Variants in PDE7B observed in about 807,000 individuals in gnomAD.
The protein encoded by PDE7B is phosphodiesterase 7B.
In PDE7B, 29 loss-of-function variants were observed where a neutral mutation model predicts 56.2. The ratio of observed to expected loss-of-function variants is 0.52; its 90% CI spans 0.38 to 0.70. The LOEUF is 0.70. Among genes scored for constraint, PDE7B ranks in the 30% least tolerant of loss-of-function variants. The pLI is 0.00. For missense variants in PDE7B, 490 were observed against 565.0 expected, an observed-to-expected ratio of 0.87 and a Z score of 1.35; for synonymous variants, 197 against 196.9, an observed-to-expected ratio of 1.00 and a Z score of 0.00.
Position 136,108,760 on chromosome 6 carries a change from G to C in PDE7B, c.112G>C (p.Val38Leu). The C allele has an allele frequency of 6.2e-7, 1 of 1,611,850 alleles. No individual in the cohort carries two copies. The highest frequency in any genetic ancestry group is 8.5e-7 in the Non-Finnish European group (1 of 1,178,022). Residue 38 changes from valine (V) to leucine (L), a missense_variant, in exon 3 of 13, where the codon GTT becomes CTT. Transcript: ENST00000308191. ...TATACGACTAAGGGGTCAGACGGGG[G>C]TTCGTGCTGAACGCCGTGGCTCCTA... is the stretch of plus-strand genomic sequence containing the variant. Reference protein sequence around the residue: ...GDIRLRGQTGVRAERRGSYPF... With the variant: ...GDIRLRGQTGLRAERRGSYPF...
intron 3 of PDE7B, among the ~76,000 whole-genome samples, chr6:136,141,290 C>A (rs1035742000): frequency 6.6e-6 from 1 of 152,158 alleles, no homozygotes; most frequent in African/African-American, 2.4e-5. Flanking sequence ...GTATGTTGAA[C>A]CAGCCTTGCA....
chr6:136,038,630 G>T, intron 2 of PDE7B: 6 of 898,422 alleles, frequency 6.7e-6, no homozygotes, highest in Non-Finnish European at 7.4e-6. Flanking sequence ...GAACTGTGTA[G>T]CATCAGGTCT....
rs1472913954 is a variant in PDE7B, at chr6:135,947,481, G to A, written c.39G>A (p.Leu13=). The A allele has an allele frequency of 6.2e-7, 1 of 1,612,422 alleles. No individual in the cohort carries two copies. Among genetic ancestry groups the A allele is most frequent in the African/African-American group, 1.3e-5 (1 of 74,968 alleles). The change falls in exon 2 of 13, where the codon TTG becomes TTA. Residue 13 remains leucine, a synonymous_variant. Transcript: ENST00000308191. ...CLMVERCGEI[L]FENPDQNAKC... Reference sequence around the variant, plus strand: ...TATTTCAGAGGTGTGGCGAAATCTTGTTTGAGAACCCCGATCAGAATGCCA... The same window carrying A: ...TATTTCAGAGGTGTGGCGAAATCTTATTTGAGAACCCCGATCAGAATGCCA...
At chr6:136,053,163 C>G (rs1282474294) in intron 2 of PDE7B, among the ~76,000 whole-genome samples, 2 of 151,142 alleles carry the variant, frequency 1.3e-5, no homozygotes, top group African/African-American at 4.9e-5. Flanking sequence ...CACCCATTAA[C>G]TCATCATTTA....
chr6:136,141,111 A>G (rs1778316673), intron 3 of PDE7B, among the ~76,000 whole-genome samples: 1 of 152,114 alleles, frequency 6.6e-6, no homozygotes, highest in African/African-American at 2.4e-5. Flanking sequence ...TTTGTCATAG[A>G]TAGCTCTTAT....
chr6:136,113,086 T>C (rs1583887794), intron 3 of PDE7B, among the ~76,000 whole-genome samples: 1 of 152,210 alleles, frequency 6.6e-6, no homozygotes, highest in African/African-American at 2.4e-5. Flanking sequence ...AGATCTATTG[T>C]ATAATATTGT....
At chr6:135,879,049 A>G (rs777005391) in intron 1 of PDE7B, among the ~76,000 whole-genome samples, 4 of 152,084 alleles carry the variant, frequency 2.6e-5, no homozygotes, top group Non-Finnish European at 4.4e-5. Context: ...TATGAAACCA[A>G]TTTCATCCAT....
intron 2 of PDE7B, among the ~76,000 whole-genome samples, chr6:136,042,581 C>G (rs935791346): frequency 2.6e-5 from 4 of 152,148 alleles, no homozygotes; most frequent in African/African-American, 9.7e-5. Context: ...TTCCCCATAG[C>G]CATTGTAACG....
At position 136,108,739 on chromosome 6, in the gene PDE7B, C is replaced by T. The variant is rs528478265; in HGVS notation, c.91C>T (p.Arg31Ter). The T allele has an allele frequency of 1.9e-6, 3 of 1,604,758 alleles. No homozygotes were observed. Among genetic ancestry groups the T allele is most frequent in the African/African-American group, 2.7e-5 (2 of 74,830 alleles). Residue 31 changes from arginine (R) to a stop codon, truncating the protein, a stop_gained, in exon 3 of 13, where the codon CGA becomes TGA. Transcript: ENST00000308191. LOFTEE classifies it high-confidence loss of function. ...GATTTTCTGTTTTCTAGGAGATATA[C>T]GACTAAGGGGTCAGACGGGGGTTCG... ...AKCVCMLGDI[R>*]LRGQTGVRAE...
intron 1 of PDE7B, among the ~76,000 whole-genome samples, chr6:135,865,830 C>A (rs749038735): frequency 6.6e-6 from 1 of 152,020 alleles, no homozygotes; most frequent in Non-Finnish European, 1.5e-5. Flanking sequence ...AAGTGGTTGG[C>A]ACTTAATAAG....
At chr6:135,973,158 C>A (rs1400391483) in intron 2 of PDE7B, among the ~76,000 whole-genome samples, 1 of 152,056 alleles carries the variant, frequency 6.6e-6, no homozygotes, top group Middle Eastern at 3.2e-3. Flanking sequence ...CCATGGAAAC[C>A]ACCGGTATTC....
At chr6:136,026,985 G>A (rs943422108) in intron 2 of PDE7B, among the ~76,000 whole-genome samples, 3 of 152,314 alleles carry the variant, frequency 2.0e-5, no homozygotes, top group South Asian at 2.1e-4. Flanking sequence ...TAATGGTAGA[G>A]CCTTCGTAAT....
At chr6:135,978,442 A>G (rs1775230172) in intron 2 of PDE7B, among the ~76,000 whole-genome samples, 1 of 152,162 alleles carries the variant, frequency 6.6e-6, no homozygotes, top group African/African-American at 2.4e-5. Context: ...TGTAGTCTTT[A>G]TAAACACTGT....
At chr6:135,991,323 G>A (rs76394910) in intron 2 of PDE7B, among the ~76,000 whole-genome samples, 5,831 of 152,186 alleles carry the variant, frequency 0.038, 343 homozygotes, top group African/African-American at 0.13. Flanking sequence ...GCCTCTGACA[G>A]TAATGCATGT....
intron 2 of PDE7B, among the ~76,000 whole-genome samples, chr6:136,081,360 G>A (rs1310683842): frequency 6.6e-6 from 1 of 152,208 alleles, no homozygotes; most frequent in African/African-American, 2.4e-5. Flanking sequence ...AAATTTTCAA[G>A]ATCTGATGAC....
intron 1 of PDE7B, among the ~76,000 whole-genome samples, chr6:135,902,396 A>G (rs1374778992): frequency 6.6e-6 from 1 of 151,828 alleles, no homozygotes; most frequent in Non-Finnish European, 1.5e-5. Context: ...CAAATTACAC[A>G]ATTTGTTCTT....
At position 136,189,242 on chromosome 6, in the gene PDE7B, C is replaced by T. The variant is rs1270085226; in HGVS notation, c.1126+2126C>T. On this transcript the variant is annotated intron_variant, in intron 12 of 12. Coordinates refer to ENST00000308191, the MANE Select transcript of PDE7B (RefSeq NM_018945.4). ...TATCTCCTCCCCAACTCCACGCTTC[C>T]CTCTCTCTACCAAATTCTACATTTT... Among the ~76,000 whole-genome samples the T allele has an allele frequency of 3.3e-5, 5 of 152,118 alleles. No individual in the cohort carries two copies. The East Asian group carries it at 9.6e-4, about 29-fold the overall frequency.
intron 3 of PDE7B, among the ~76,000 whole-genome samples, chr6:136,115,707 C>A (rs140857026): frequency 6.6e-6 from 1 of 152,100 alleles, no homozygotes; most frequent in African/African-American, 2.4e-5. Context: ...TCTGGGTTTT[C>A]ATTCATTTAT....
At chr6:135,956,454 A>G (rs1774795731) in intron 2 of PDE7B, among the ~76,000 whole-genome samples, 3 of 152,156 alleles carry the variant, frequency 2.0e-5, no homozygotes, top group Non-Finnish European at 1.5e-5. Flanking sequence ...GCCAGGCCAC[A>G]GGGAGCTGAG....
Sources: allele counts gnomAD v4.1 joint callset (sites outside exome capture counted in the v4.1 genomes callset), GRCh38; gene constraint gnomAD v4.1.1; transcripts MANE v1.5; gene names NCBI Gene and HGNC (gene_info 2026-07-23, HGNC 2026-07-21).